The following MYH9 variants were observed in gnomAD, a reference collection of about 807,000 sequenced individuals.
The protein encoded by MYH9 is myosin heavy chain 9.
In MYH9, 29 loss-of-function variants were observed where a neutral mutation model predicts 241.9. The ratio of observed to expected loss-of-function variants is 0.12; its 90% CI spans 0.09 to 0.16. The LOEUF (loss-of-function observed/expected upper bound fraction) is 0.16. Ranked by LOEUF, MYH9 falls within the 10% of genes least tolerant of loss-of-function variation. MYH9 has a pLI of 1.00. For missense variants in MYH9, 1,803 were observed against 2,595.5 expected (o/e 0.69, Z 6.63); for synonymous variants, 1,047 against 1,062.6 (o/e 0.99, Z 0.29).
intron 1 of MYH9, among the ~76,000 whole-genome samples, chr22:36,353,757 A>G (rs2146397841): frequency 8.0e-6 from 1 of 124,808 alleles, no homozygotes. Context: ...CGCCTTGCAA[A>G]ATCAGTTTTC....
intron 1 of MYH9, among the ~76,000 whole-genome samples, chr22:36,359,127 T>C (rs987008191): frequency 6.6e-6 from 1 of 152,214 alleles, no homozygotes; most frequent in African/African-American, 2.4e-5. Context: ...AGATGTCTCA[T>C]ATCTATGGCC....
rs772826283 is a variant in MYH9, at chr22:36,294,073, G to T, written c.3837+19C>A. ...GCTAGGGCCCACTGCCCGCGCCAGG[G>T]TCCTGGCGGAGGCCTCACCTGCAGC... On this transcript the variant is annotated intron_variant, in intron 28 of 40. Coordinates refer to ENST00000216181, the MANE Select transcript of MYH9 (RefSeq NM_002473.6). The T allele has an allele frequency of 6.2e-7, 1 of 1,605,866 alleles. No individual in the cohort carries two copies. The highest frequency in any genetic ancestry group is 2.2e-5 in the East Asian group (1 of 44,884).
At chr22:36,346,535 C>A (rs2017680914) in intron 2 of MYH9, among the ~76,000 whole-genome samples, 1 of 152,184 alleles carries the variant, frequency 6.6e-6, no homozygotes, top group Admixed American at 6.5e-5. Context: ...CATATGTGAC[C>A]ATGAGCAAAA....
At chr22:36,301,147 G>A in intron 21 of MYH9, 90 bp from the exon 22 acceptor site, 1 of 1,283,052 alleles carries the variant, frequency 7.8e-7, no homozygotes, top group Admixed American at 1.7e-5. Context: ...CGGGATCCCA[G>A]AGGGAAAGGA....
At chr22:36,357,832 ATTC>A (rs1366393750) in intron 1 of MYH9, among the ~76,000 whole-genome samples, 2 of 152,188 alleles carry the variant, frequency 1.3e-5, no homozygotes, top group Non-Finnish European at 2.9e-5. Context: ...TCTGACCTAG[ATTC>A]TCCTGCTGGA....
intron 1 of MYH9, among the ~76,000 whole-genome samples, chr22:36,354,953 C>T (rs528861666): frequency 4.1e-5 from 2 of 49,246 alleles, no homozygotes; most frequent in South Asian, 1.3e-3. Context: ...AAACAAAAAA[C>T]AAAACACACA....
intron 23 of MYH9, among the ~76,000 whole-genome samples, chr22:36,299,403 G>A (rs543864259): frequency 6.6e-5 from 10 of 152,154 alleles, no homozygotes; most frequent in South Asian, 4.1e-4. Flanking sequence ...CACCTTCTCC[G>A]TGCCCCTCTC....
Position 36,302,643 on chromosome 22 carries a change from G to A in MYH9, c.2424C>T (p.Ala808=). The A allele has an allele frequency of 6.2e-7, 1 of 1,613,534 alleles. No homozygotes were observed. The highest frequency in any genetic ancestry group is 1.3e-5 in the African/African-American group (1 of 75,070). ...AFAKRQQQLT[A]MKVLQRNCAA... ...CGCAGTTCCGCTGGAGGACCTTCAT[G>A]GCGGTAAGCTGCTGCTGCCGCTTGG... The change falls in exon 20 of 41, where the codon GCC becomes GCT. Residue 808 remains alanine, a synonymous_variant. Coordinates refer to ENST00000216181, the MANE Select transcript of MYH9 (RefSeq NM_002473.6).
rs2016641764 is a variant in MYH9, at chr22:36,289,127, C to T, written c.4515G>A (p.Glu1505=). 11 of 1,614,050 alleles carry T rather than the reference C, an allele frequency of 6.8e-6. No individual in the cohort carries two copies. Among genetic ancestry groups the T allele is most frequent in the Non-Finnish European group, 9.3e-6 (11 of 1,180,050 alleles). ...LERLNKQFRT[E]MEDLMSSKDD... ...CCTTGGAGCTCATAAGGTCCTCCAT[C>T]TCCGTGCGGAACTGCTTGTTGAGCC... The change falls in exon 32 of 41, where the codon GAG becomes GAA. Residue 1505 remains glutamate (E), a synonymous_variant. Coordinates refer to ENST00000216181, the MANE Select transcript of MYH9 (RefSeq NM_002473.6).
intron 1 of MYH9, among the ~76,000 whole-genome samples, chr22:36,381,104 A>G (rs575806592): frequency 6.6e-6 from 1 of 152,302 alleles, no homozygotes; most frequent in South Asian, 2.1e-4. Flanking sequence ...TAGGCATTCA[A>G]TATGCAATAT....
chr22:36,349,423 T>G (rs564008480), intron 1 of MYH9, among the ~76,000 whole-genome samples, 168 bp from the exon 2 acceptor site: 1 of 152,284 alleles, frequency 6.6e-6, no homozygotes, highest in African/African-American at 2.4e-5. Flanking sequence ...GGGATAAAGA[T>G]GTGCATCACT....
At chr22:36,356,446 T>G (rs1353083679) in intron 1 of MYH9, among the ~76,000 whole-genome samples, 1 of 151,868 alleles carries the variant, frequency 6.6e-6, no homozygotes, top group Non-Finnish European at 1.5e-5. Context: ...CCAGGCGTGG[T>G]GGCGCGTGCC....
At position 36,293,711 on chromosome 22, in the gene MYH9, G is replaced by C; in HGVS notation, c.3942+48C>G. The C allele has an allele frequency of 6.6e-7, 1 of 1,524,470 alleles. No individual in the cohort carries two copies. Among genetic ancestry groups the C allele is most frequent in the Non-Finnish European group, 9.1e-7 (1 of 1,103,242 alleles). The allele number at this position is 1,524,470 out of a possible 1,614,324, so 94.4% of individuals were successfully genotyped here. A position where few individuals can be genotyped will look rare whatever the true frequency, so the allele number is the denominator to read the frequency against. On this transcript the variant is annotated intron_variant, in intron 29 of 40. Coordinates refer to ENST00000216181, the MANE Select transcript of MYH9 (RefSeq NM_002473.6). The surrounding 1 kb of genome is among the most constrained non-coding windows in gnomAD (Gnocchi z 5.1). ...GAAGCTAATGTTGCGTGGACACAGAGGCCTTTCTGGAGGGGTCCACCTTCT... is the reference window on the plus strand; with the variant it reads ...GAAGCTAATGTTGCGTGGACACAGACGCCTTTCTGGAGGGGTCCACCTTCT...
rs183433500 is a variant in MYH9 at position 36,341,056 on chromosome 22, C to T, written c.490+314G>A. Among the ~76,000 whole-genome samples the T allele has an allele frequency of 2.2e-3, 334 of 152,136 alleles. 1 individual carries two copies. Among genetic ancestry groups the T allele is most frequent in the African/African-American group, 7.7e-3 (321 of 41,482 alleles). On this transcript the variant is annotated intron_variant, in intron 3 of 40. Transcript: ENST00000216181. ...GAAAAACACAAAGGGAAGGGAAGAA[C>T]AGGAAGAAGAAGGGGCCTAAAAGAA... is the stretch of plus-strand genomic sequence containing the variant.
chr22:36,341,171 T>C (rs2017582270), intron 3 of MYH9, among the ~76,000 whole-genome samples, 199 bp downstream of exon 3: 1 of 152,180 alleles, frequency 6.6e-6, no homozygotes, highest in East Asian at 1.9e-4. Flanking sequence ...TCTAGAACAT[T>C]CTATCAACAT....
chr22:36,382,481 C>CA (rs879256327), intron 1 of MYH9, among the ~76,000 whole-genome samples: 20 of 140,508 alleles, frequency 1.4e-4, no homozygotes, highest in Middle Eastern at 4.9e-3. Flanking sequence ...TCTCAAAAAA[C>CA]AAAAAAAAGA....
intron 12 of MYH9, among the ~76,000 whole-genome samples, chr22:36,314,574 T>C (rs779169931): frequency 1.6e-4 from 24 of 152,212 alleles, no homozygotes; most frequent in Middle Eastern, 3.2e-3. Context: ...TTGCATCCAA[T>C]AGATTACAAA....
chr22:36,335,125 G>A (rs572613717), intron 3 of MYH9, among the ~76,000 whole-genome samples: 13 of 152,020 alleles, frequency 8.6e-5, no homozygotes, highest in African/African-American at 3.1e-4. Context: ...CCTCCTCTGT[G>A]CTAGTCTCTG....
At chr22:36,304,395 C>T (rs1472875407) in intron 18 of MYH9, among the ~76,000 whole-genome samples, 1 of 152,218 alleles carries the variant, frequency 6.6e-6, no homozygotes, top group Non-Finnish European at 1.5e-5. Context: ...CTCCCACCAA[C>T]TCCCTACTCT....
Sources: gnomAD v4.1 joint callset for allele counts (sites outside exome capture counted in the v4.1 genomes callset) on GRCh38, gnomAD v4.1.1 for gene constraint, Gnocchi (gnomAD v3.1) non-coding constraint, MANE v1.5 for transcripts, NCBI Gene and HGNC (gene_info 2026-07-23, HGNC 2026-07-21) for gene names.